The following ZNF292 variants were observed in gnomAD, a reference collection of about 807,000 sequenced individuals.
ZNF292 encodes 16 zinc-finger domain protein.
A neutral mutation model predicts 217.9 loss-of-function variants in ZNF292; 26 were observed. The observed-to-expected ratio is 0.12, with a 90% confidence interval of 0.09 to 0.17. The LOEUF (loss-of-function observed/expected upper bound fraction) is 0.17, where lower values mean the gene tolerates loss of function less well. Ranked by LOEUF, ZNF292 falls within the 10% of genes least tolerant of loss-of-function variation. The probability of loss-of-function intolerance (pLI) is 1.00; values close to 1 mark genes in which losing one functional copy is unlikely to be tolerated. For synonymous variants in ZNF292, 1,257 were observed against 1,124.1 expected (o/e 1.12, Z -2.37); for missense variants, 2,904 against 3,175.2 (o/e 0.91, Z 2.05).
At chr6:87,205,653 T>C (rs1288175082) in intron 1 of ZNF292, among the ~76,000 whole-genome samples, 3 of 152,180 alleles carry the variant, frequency 2.0e-5, no homozygotes, top group Non-Finnish European at 4.4e-5. Context: ...ATGGTTCCTT[T>C]CTCATTTCCA....
chr6:87,167,448 C>A (rs1770954684), intron 1 of ZNF292, among the ~76,000 whole-genome samples: 1 of 152,154 alleles, frequency 6.6e-6, no homozygotes, highest in African/African-American at 2.4e-5. Context: ...TGAGACCCAC[C>A]TGACCAACAT....
chr6:87,224,747 CTG>C (rs1351244944), intron 4 of ZNF292, among the ~76,000 whole-genome samples: 1 of 152,132 alleles, frequency 6.6e-6, no homozygotes, highest in Admixed American at 6.5e-5. Flanking sequence ...GCTAAACAAA[CTG>C]TGGTACAGCC....
intron 1 of ZNF292, 38 bp downstream of exon 1, chr6:87,155,797 C>G (rs1252319157): frequency 1.3e-6 from 2 of 1,542,132 alleles, no homozygotes; most frequent in East Asian, 2.3e-5. Context: ...CTTTCCCCAG[C>G]TAGAGGGGGA....
chr6:87,199,276 C>T (rs1772041656), intron 1 of ZNF292, among the ~76,000 whole-genome samples: 2 of 152,180 alleles, frequency 1.3e-5, no homozygotes, highest in Admixed American at 1.3e-4. Flanking sequence ...TGTGCATTTT[C>T]AGCCATTTAT....
intron 1 of ZNF292, chr6:87,174,214 A>G (rs1202524272): frequency 6.5e-6 from 1 of 154,206 alleles, no homozygotes; most frequent in Non-Finnish European, 1.4e-5. Flanking sequence ...AAGCAGCAGG[A>G]TAGGTCGGCA....
intron 1 of ZNF292, among the ~76,000 whole-genome samples, chr6:87,180,740 G>T (rs776447649): frequency 2.0e-5 from 3 of 152,232 alleles, no homozygotes; most frequent in African/African-American, 2.4e-5. Context: ...TTCCAATAAG[G>T]CCTGAACCCT....
At chr6:87,228,788 G>A (rs980568420) in intron 4 of ZNF292, among the ~76,000 whole-genome samples, 55 of 152,246 alleles carry the variant, frequency 3.6e-4, no homozygotes, top group African/African-American at 1.1e-3. Flanking sequence ...TGGTCCACAT[G>A]TCTGTCTTTA....
intron 6 of ZNF292, 125 bp downstream of exon 6, chr6:87,243,736 A>G (rs1774429517): frequency 1.1e-6 from 1 of 925,218 alleles, no homozygotes; most frequent in East Asian, 2.9e-5. Flanking sequence ...TTATATTTAG[A>G]TATTACATGC....
Position 87,259,860 on chromosome 6 carries a change from C to A in ZNF292, c.6231C>A (p.Thr2077=), listed in dbSNP as rs767419227. The stretch of plus-strand genomic sequence containing the variant: ...CAAATGCACTCACAAACACACAAAC[C>A]AAAGGACGGAAGATTAGGAGGCATA... The part of the protein sequence containing the change: ...CNTNALTNTQ[T]KGRKIRRHKK... Residue 2077 remains threonine, a synonymous_variant, in exon 8 of 8, where the codon ACC becomes ACA. Coordinates refer to ENST00000369577, the MANE Select transcript of ZNF292 (RefSeq NM_015021.3). The A allele has an allele frequency of 1.1e-5, 17 of 1,613,090 alleles. No homozygotes were observed. The highest frequency in any genetic ancestry group is 1.2e-5 in the Non-Finnish European group (14 of 1,179,554).
At position 87,260,221 on chromosome 6, in the gene ZNF292, G is replaced by A. The variant is rs1775490305; in HGVS notation, c.6592G>A (p.Glu2198Lys). 2 of 1,613,616 alleles carry A rather than the reference G, an allele frequency of 1.2e-6. No individual in the cohort carries two copies. Among genetic ancestry groups the A allele is most frequent in the Non-Finnish European group, 1.7e-6 (2 of 1,179,640 alleles). The part of the protein sequence containing the change: ...GLIQHYMKLH[E>K]MTPEEIESMT... ...AATACAACACTACATGAAACTTCAT[G>A]AAATGACTCCTGAAGAAATTGAAAG... The change falls in exon 8 of 8, where the codon GAA becomes AAA. Residue 2198 changes from glutamate (E) to lysine (K), a missense_variant. Coordinates refer to ENST00000369577, the MANE Select transcript of ZNF292 (RefSeq NM_015021.3).
rs180725564 is a variant in ZNF292, at chr6:87,171,349, A to C, written c.168+15590A>C. Among the ~76,000 whole-genome samples the C allele has an allele frequency of 2.6e-5, 4 of 151,552 alleles. No homozygotes were observed. In the East Asian group the frequency reaches 7.8e-4, roughly 29 times the overall value. ...ATTTTGAACTATGATTTGAATTCCA[A>C]CTCTGGCACTTCCTGAAGGACTTCA... is the stretch of plus-strand genomic sequence containing the variant. On this transcript the variant is annotated intron_variant, in intron 1 of 7. Transcript: ENST00000369577.
At chr6:87,212,364 T>C (rs556039262) in intron 1 of ZNF292, among the ~76,000 whole-genome samples, 1 of 152,134 alleles carries the variant, frequency 6.6e-6, no homozygotes, top group African/African-American at 2.4e-5. Flanking sequence ...CCATTGGTGA[T>C]TGGGTTCAAT....
At chr6:87,212,940 T>C (rs1772567349) in intron 1 of ZNF292, among the ~76,000 whole-genome samples, 1 of 152,210 alleles carries the variant, frequency 6.6e-6, no homozygotes, top group South Asian at 2.1e-4. Flanking sequence ...AAGTTAAGAA[T>C]TCTTCTGTGT....
chr6:87,208,439 T>G (rs547398412), intron 1 of ZNF292, among the ~76,000 whole-genome samples: 43 of 152,272 alleles, frequency 2.8e-4, no homozygotes, highest in Middle Eastern at 6.8e-3. Context: ...TTTTCTCCTA[T>G]CCATAATTTT....
At chr6:87,206,362 C>T (rs1253194769) in intron 1 of ZNF292, among the ~76,000 whole-genome samples, 1 of 152,038 alleles carries the variant, frequency 6.6e-6, no homozygotes, top group East Asian at 1.9e-4. Context: ...CTCTTCATAA[C>T]AGAAAAGTTA....
chr6:87,176,345 C>G (rs757919103), intron 1 of ZNF292, among the ~76,000 whole-genome samples: 3 of 152,148 alleles, frequency 2.0e-5, no homozygotes, highest in Non-Finnish European at 4.4e-5. Flanking sequence ...TGGTAATAAA[C>G]TGGAGGGGAG....
In ZNF292 at chr6:87,255,760, G is replaced by A. The variant is rs770016827; in HGVS notation, c.2131G>A (p.Ala711Thr). The A allele has an allele frequency of 3.7e-6, 6 of 1,613,758 alleles. No individual in the cohort carries two copies. Among genetic ancestry groups the A allele is most frequent in the Non-Finnish European group, 5.1e-6 (6 of 1,179,848 alleles). ...GAAGGGGCATAAAGATAATGAAGAC[G>A]CCAAGCGCTTTCTTGAAATGCAGAG... ...HVKGHKDNED[A>T]KRFLEMQSKK... The change falls in exon 8 of 8, where the codon GCC (alanine) becomes ACC (threonine). Residue 711 changes from alanine to threonine, a missense_variant. Physicochemically the swap from Ala to Thr is moderately conservative, Grantham distance 58 (BLOSUM62 0). Coordinates refer to ENST00000369577, the MANE Select transcript of ZNF292 (RefSeq NM_015021.3).
intron 3 of ZNF292, 87 bp downstream of exon 3, chr6:87,216,464 A>G: frequency 3.2e-6 from 3 of 929,574 alleles, no homozygotes; most frequent in Non-Finnish European, 5.0e-6. Flanking sequence ...TTAAACTTTA[A>G]GACATCTCAA....
chr6:87,158,428 G>A (rs184610776), intron 1 of ZNF292, among the ~76,000 whole-genome samples: 2 of 152,200 alleles, frequency 1.3e-5, no homozygotes, highest in African/African-American at 2.4e-5. Flanking sequence ...AATCCCAGCA[G>A]TTTGGGAGGC....
Sources: allele counts gnomAD v4.1 joint callset (sites outside exome capture counted in the v4.1 genomes callset), GRCh38; gene constraint gnomAD v4.1.1; transcripts MANE v1.5; gene names NCBI Gene and HGNC (gene_info 2026-07-23, HGNC 2026-07-21).